Variants in THOC7 observed in about 807,000 individuals in gnomAD.
The protein encoded by THOC7 is THO complex subunit 7.
THOC7 carries 22 observed loss-of-function variants against 33.1 expected under a neutral mutation model. That is an observed-to-expected ratio of 0.66 (90% CI 0.47 to 0.95). The LOEUF is 0.95. THOC7 is among the 40% of genes least tolerant of loss of function. THOC7 has a pLI of 0.00. For synonymous variants in THOC7, 77 were observed against 76.8 expected, an observed-to-expected ratio of 1.00 and a Z score of -0.01; for missense variants, 184 against 245.3, an observed-to-expected ratio of 0.75 and a Z score of 1.67.
At chr3:63,835,036 T>C (rs575744089) in intron 7 of THOC7, 118 bp downstream of exon 7, 2 of 978,314 alleles carry the variant, frequency 2.0e-6, no homozygotes, top group South Asian at 3.4e-5. Context: ...GTCATCCAGC[T>C]ACACTGTTCA....
At chr3:63,863,939 CCGCG>C, upstream of THOC7, 2 of 153,680 alleles carry the variant, frequency 1.3e-5, no homozygotes, top group Non-Finnish European at 2.3e-5. Flanking sequence ...GACGCCTGAG[CCGCG>C]CCGCGCCGCG....
intron 7 of THOC7, among the ~76,000 whole-genome samples, chr3:63,834,400 C>T (rs1258168987): frequency 1.3e-5 from 2 of 151,794 alleles, no homozygotes; most frequent in South Asian, 4.1e-4. Context: ...TGGCTCATGC[C>T]TATAATCCCA....
At chr3:63,844,204 G>A (rs984173849) in intron 1 of THOC7, among the ~76,000 whole-genome samples, 6 of 152,142 alleles carry the variant, frequency 3.9e-5, no homozygotes, top group African/African-American at 1.4e-4. Context: ...GGGGTGGCTA[G>A]GGAGAAGGAG....
intron 1 of THOC7, among the ~76,000 whole-genome samples, chr3:63,846,808 T>G (rs1200024338): frequency 6.6e-6 from 1 of 152,142 alleles, no homozygotes; most frequent in Non-Finnish European, 1.5e-5. Flanking sequence ...AGAGGCAGAA[T>G]GATAGTCTCC....
At chr3:63,836,202 T>G in intron 5 of THOC7, 99 bp downstream of exon 5, 1 of 1,143,546 alleles carries the variant, frequency 8.7e-7, no homozygotes. Context: ...CCCCTCCTTT[T>G]GAAACATATT....
intron 1 of THOC7, among the ~76,000 whole-genome samples, chr3:63,846,503 G>A (rs1701900421): frequency 1.3e-5 from 2 of 152,092 alleles, no homozygotes; most frequent in South Asian, 4.1e-4. Flanking sequence ...CGTCTCCTGG[G>A]TTCAAGCTAT....
intron 1 of THOC7, among the ~76,000 whole-genome samples, chr3:63,850,472 A>G (rs1701996775): frequency 6.6e-6 from 1 of 151,296 alleles, no homozygotes; most frequent in African/African-American, 2.4e-5. Flanking sequence ...AAGTGCTGGG[A>G]TTACAAGCGT....
At chr3:63,846,316 T>C in intron 1 of THOC7, 1 of 361,324 alleles carries the variant, frequency 2.8e-6, no homozygotes. Context: ...AAAATGGACT[T>C]CAGGGCCACA....
Position 63,863,753 on chromosome 3 carries a change from G to A in THOC7, c.19+19C>T, listed in dbSNP as rs1702305048. On this transcript the variant is annotated intron_variant, in intron 1 of 7. Coordinates refer to ENST00000295899, the MANE Select transcript of THOC7 (RefSeq NM_025075.4). ...GCGGGCCGTGCAGCGGGCGCGTGTG[G>A]CGGCGAGCGGGGCCTCACCGTCAGT... 2 of 1,250,580 alleles carry A rather than the reference G, an allele frequency of 1.6e-6. No individual in the cohort carries two copies. Among genetic ancestry groups the A allele is most frequent in the Non-Finnish European group, 2.0e-6 (2 of 1,004,020 alleles). 77.5% of individuals were successfully genotyped at this position (1,250,580 alleles called of 1,614,324 possible).
At position 63,836,336 on chromosome 3, in the gene THOC7, C is replaced by T. The variant is rs1384420341; in HGVS notation, c.375G>A (p.Val125=). ...CATGCCTGTCTGGATGGTGCTGAATCACTTTTGCCAAAGCATCATATTCTG... is the reference window on the plus strand; with the variant it reads ...CATGCCTGTCTGGATGGTGCTGAATTACTTTTGCCAAAGCATCATATTCTG... ...NRQEYDALAK[V]IQHHPDRHET... The change falls in exon 5 of 8, where the codon GTG becomes GTA. Residue 125 remains valine (V), a synonymous_variant. Transcript: ENST00000295899. 6.2e-7 allele frequency: 1 copy of T among 1,612,558 alleles called. No individual in the cohort carries two copies. Among genetic ancestry groups the T allele is most frequent in the Admixed American group, 1.7e-5 (1 of 59,972 alleles).
chr3:63,843,557 T>C (rs959674929), intron 1 of THOC7, among the ~76,000 whole-genome samples: 3 of 152,132 alleles, frequency 2.0e-5, no homozygotes, highest in Non-Finnish European at 4.4e-5. Flanking sequence ...TTATTCACAA[T>C]AGCCAAGGTA....
intron 5 of THOC7, among the ~76,000 whole-genome samples, chr3:63,835,950 T>C (rs1701624544): frequency 6.6e-6 from 1 of 152,076 alleles, no homozygotes; most frequent in South Asian, 2.1e-4. Context: ...TTAAATATAA[T>C]TTAAAGTTTA....
At chr3:63,837,308 A>G (rs1701655651) in intron 4 of THOC7, among the ~76,000 whole-genome samples, 1 of 151,332 alleles carries the variant, frequency 6.6e-6, no homozygotes, top group Non-Finnish European at 1.5e-5. Flanking sequence ...AGTTTTTCAT[A>G]TCAATGTAAC....
chr3:63,864,002 C>A, upstream of THOC7: 1 of 148,990 alleles, frequency 6.7e-6, no homozygotes, highest in South Asian at 2.1e-4. Context: ...CCCGCGCTCC[C>A]GGTACTCCCC....
intron 1 of THOC7, among the ~76,000 whole-genome samples, chr3:63,851,746 C>A (rs1015651557): frequency 1.3e-5 from 2 of 152,186 alleles, no homozygotes; most frequent in Non-Finnish European, 2.9e-5. Context: ...GCTGTCTGTT[C>A]TGTGCTTCTA....
At chr3:63,845,062 C>G in intron 1 of THOC7, 1 of 698,456 alleles carries the variant, frequency 1.4e-6, no homozygotes, top group South Asian at 1.5e-5. Flanking sequence ...ACCTGAGACT[C>G]CTTGAGGAAC....
intron 7 of THOC7, 35 bp from the exon 8 acceptor site, chr3:63,834,234 A>C (rs747249676): frequency 1.9e-6 from 3 of 1,604,524 alleles, no homozygotes; most frequent in Non-Finnish European, 2.6e-6. Flanking sequence ...ACCTTAGTCA[A>C]GTTTGCCTAT....
intron 1 of THOC7, among the ~76,000 whole-genome samples, chr3:63,849,147 G>A (rs2107148712): frequency 6.6e-6 from 1 of 152,170 alleles, no homozygotes; most frequent in Non-Finnish European, 1.5e-5. Flanking sequence ...CAGCACTTTG[G>A]AGGCCAAGGC....
intron 4 of THOC7, among the ~76,000 whole-genome samples, chr3:63,836,644 T>C (rs1336822263): frequency 1.3e-5 from 2 of 152,024 alleles, no homozygotes; most frequent in Non-Finnish European, 2.9e-5. Flanking sequence ...TTTAAGTTAT[T>C]ATTGATTATC....
Sources: gnomAD v4.1 joint callset for allele counts (sites outside exome capture counted in the v4.1 genomes callset) on GRCh38, gnomAD v4.1.1 for gene constraint, MANE v1.5 for transcripts, NCBI Gene and HGNC (gene_info 2026-07-23, HGNC 2026-07-21) for gene names.